Variants in LRRC4C observed in about 807,000 individuals in gnomAD.
LRRC4C encodes the protein leucine-rich repeat-containing protein 4C.
A neutral mutation model predicts 33.6 loss-of-function variants in LRRC4C; 5 were observed. That is an observed-to-expected ratio of 0.15 (90% confidence interval 0.08 to 0.31). The LOEUF (loss-of-function observed/expected upper bound fraction) is 0.31, where lower values mean the gene tolerates loss of function less well. Ranked by LOEUF, LRRC4C falls within the 10% of genes least tolerant of loss-of-function variation. The probability of loss-of-function intolerance (pLI) is 1.00; values close to 1 mark genes in which losing one functional copy is unlikely to be tolerated. For missense variants in LRRC4C, 560 were observed against 796.7 expected, an observed-to-expected ratio of 0.70 and a Z score of 3.58; for synonymous variants, 329 against 302.0, an observed-to-expected ratio of 1.09 and a Z score of -0.93.
At chr11:40,943,722 T>A (rs1958259586) in intron 1 of LRRC4C, among the ~76,000 whole-genome samples, 1 of 152,116 alleles carries the variant, frequency 6.6e-6, no homozygotes, top group African/African-American at 2.4e-5. Flanking sequence ...GTCGGGAGAG[T>A]CTTTGAAGTG....
intron 6 of LRRC4C, among the ~76,000 whole-genome samples, chr11:40,137,587 G>A (rs1160676497): frequency 6.6e-6 from 1 of 152,072 alleles, no homozygotes; most frequent in African/African-American, 2.4e-5. Flanking sequence ...ATTAGAAAGA[G>A]GAGTTAATAT....
At position 41,019,612 on chromosome 11, in the gene LRRC4C, G is replaced by A. The variant is rs947423805; in HGVS notation, c.-495-85889C>T. ...AATCACCACACTGTCTTCCACAATGGTTGAACTAATTTACATTCCCACCAA... is the reference window on the plus strand; with the variant it reads ...AATCACCACACTGTCTTCCACAATGATTGAACTAATTTACATTCCCACCAA... On this transcript the variant is annotated intron_variant, in intron 1 of 6. Transcript: ENST00000528697. 5.3e-5 allele frequency among the ~76,000 whole-genome samples: 8 copies of A among 152,046 alleles called. No homozygotes were observed. In the East Asian group the frequency reaches 1.4e-3, roughly 26 times the overall value.
At chr11:40,940,560 C>T (rs1958096013) in intron 1 of LRRC4C, among the ~76,000 whole-genome samples, 1 of 152,034 alleles carries the variant, frequency 6.6e-6, no homozygotes, top group African/African-American at 2.4e-5. Flanking sequence ...TATTTTTAAC[C>T]ATCATCTTTT....
At chr11:40,915,394 T>C (rs1339286607) in intron 2 of LRRC4C, among the ~76,000 whole-genome samples, 4 of 152,082 alleles carry the variant, frequency 2.6e-5, no homozygotes, top group Admixed American at 6.5e-5. Flanking sequence ...TAATGCCACA[T>C]ATCTATCACT....
chr11:40,797,454 C>A lies in LRRC4C; in HGVS notation c.-407+136181G>T, dbSNP rs142147369. On this transcript the variant is annotated intron_variant, in intron 2 of 6. Transcript: ENST00000528697. Reference sequence around the variant, plus strand: ...TAGGGATTTGGGTCAAAAATGAAACCATTAAAGAAGTAAATACAGAATACG... The same window carrying A: ...TAGGGATTTGGGTCAAAAATGAAACAATTAAAGAAGTAAATACAGAATACG... 2.0e-3 allele frequency among the ~76,000 whole-genome samples: 304 copies of A among 152,032 alleles called. 4 individuals are homozygous for A. Among genetic ancestry groups the A allele is most frequent in the South Asian group, 0.02 (95 of 4,816 alleles).
At chr11:41,415,795 G>C (rs1488243850) in intron 1 of LRRC4C, among the ~76,000 whole-genome samples, 1 of 152,086 alleles carries the variant, frequency 6.6e-6, no homozygotes, top group Non-Finnish European at 1.5e-5. Flanking sequence ...ATAATGTATA[G>C]GATATGTTTC....
intron 1 of LRRC4C, among the ~76,000 whole-genome samples, chr11:41,355,570 A>G (rs1172341124): frequency 6.6e-6 from 1 of 152,114 alleles, no homozygotes; most frequent in African/African-American, 2.4e-5. Flanking sequence ...GGATAGTTAA[A>G]TATTGTATGG....
At chr11:40,837,168 TTGA>T (rs1269020938) in intron 2 of LRRC4C, among the ~76,000 whole-genome samples, 4 of 152,164 alleles carry the variant, frequency 2.6e-5, no homozygotes, top group Non-Finnish European at 5.9e-5. Context: ...GTCTTATTTT[TTGA>T]TGCTTGCTCA....
chr11:40,963,796 C>A, intron 1 of LRRC4C, among the ~76,000 whole-genome samples: 1 of 151,722 alleles, frequency 6.6e-6, no homozygotes, highest in East Asian at 1.9e-4. Flanking sequence ...CAAATAGAAC[C>A]ACACACTCAA....
intron 1 of LRRC4C, among the ~76,000 whole-genome samples, chr11:40,966,823 C>T (rs892741392): frequency 6.6e-6 from 1 of 151,980 alleles, no homozygotes; most frequent in Non-Finnish European, 1.5e-5. Flanking sequence ...TACACATGGC[C>T]TTGCCTTCAC....
chr11:40,861,106 G>C (rs1479709679), intron 2 of LRRC4C, among the ~76,000 whole-genome samples: 1 of 151,808 alleles, frequency 6.6e-6, no homozygotes, highest in East Asian at 1.9e-4. Flanking sequence ...AACTCTCAGG[G>C]GAAACTAAGT....
At chr11:40,699,982 T>A (rs35283777) in intron 2 of LRRC4C, among the ~76,000 whole-genome samples, 1 of 152,310 alleles carries the variant, frequency 6.6e-6, no homozygotes, top group African/African-American at 2.4e-5. Context: ...AAATGTGTTA[T>A]AATGCTTTAA....
intron 1 of LRRC4C, among the ~76,000 whole-genome samples, chr11:41,223,284 G>C (rs1020157158): frequency 6.6e-6 from 1 of 152,158 alleles, no homozygotes; most frequent in African/African-American, 2.4e-5. Flanking sequence ...TTTCAAATCA[G>C]AGAAGAGAAA....
intron 2 of LRRC4C, among the ~76,000 whole-genome samples, chr11:40,649,138 C>T (rs193149040): frequency 1.2e-4 from 18 of 152,248 alleles, no homozygotes; most frequent in Admixed American, 8.5e-4. Flanking sequence ...ACATCTTAAA[C>T]AACAGAAGAC....
intron 1 of LRRC4C, among the ~76,000 whole-genome samples, chr11:40,937,572 C>A (rs1490345745): frequency 1.1e-4 from 16 of 151,178 alleles, no homozygotes; most frequent in Admixed American, 1.1e-3. Context: ...CTCAGTCTCT[C>A]CAATAATTCA....
chr11:40,679,993 G>C (rs944989914), intron 2 of LRRC4C, among the ~76,000 whole-genome samples: 4 of 152,158 alleles, frequency 2.6e-5, no homozygotes, highest in Non-Finnish European at 5.9e-5. Flanking sequence ...CAGCTATTAG[G>C]GGGGATATAC....
intron 1 of LRRC4C, among the ~76,000 whole-genome samples, chr11:41,170,188 T>C (rs556933224): frequency 3.3e-5 from 5 of 152,316 alleles, no homozygotes; most frequent in Admixed American, 3.3e-4. Context: ...CCCAAGGTAA[T>C]TTATAGATTC....
intron 3 of LRRC4C, among the ~76,000 whole-genome samples, chr11:40,624,970 G>T (rs1253215423): frequency 2.0e-5 from 3 of 151,996 alleles, no homozygotes; most frequent in Non-Finnish European, 4.4e-5. Flanking sequence ...AAATAATAAT[G>T]ATCATAATAA....
At chr11:40,754,823 A>G (rs959047359) in intron 2 of LRRC4C, among the ~76,000 whole-genome samples, 1 of 151,988 alleles carries the variant, frequency 6.6e-6, no homozygotes, top group Non-Finnish European at 1.5e-5. Context: ...TTTCCCCAAA[A>G]GATCAGCTGT....
Sources: allele counts gnomAD v4.1 joint callset (sites outside exome capture counted in the v4.1 genomes callset), GRCh38; gene constraint gnomAD v4.1.1; transcripts MANE v1.5; gene names NCBI Gene and HGNC (gene_info 2026-07-23, HGNC 2026-07-21).